Variants in STX1A observed in about 807,000 individuals in gnomAD.
STX1A encodes the protein syntaxin 1A, also known as syntaxin-1A.
STX1A carries 4 observed loss-of-function variants against 37.8 expected under a neutral mutation model. The ratio of observed to expected loss-of-function variants is 0.11; its 90% CI spans 0.05 to 0.24. STX1A has a LOEUF of 0.24. STX1A is among the 10% of genes least tolerant of loss of function. STX1A has a pLI of 1.00. For missense variants in STX1A, 251 were observed against 399.9 expected (o/e 0.63, Z 3.18); for synonymous variants, 135 against 147.4 (o/e 0.92, Z 0.61).
chr7:73,712,142 G>A lies in STX1A; in HGVS notation c.31-3020C>T, dbSNP rs76331376. On this transcript the variant is annotated intron_variant, in intron 1 of 9. Coordinates refer to ENST00000222812, the MANE Select transcript of STX1A (RefSeq NM_004603.4). ...ATTGAGATTGGCCCCAAAGCCAGTC[G>A]GGGGGCTGAGGGCCTGACCTCTGAG... Among the ~76,000 whole-genome samples the A allele has an allele frequency of 6.6e-3, 1,003 of 152,130 alleles. 3 individuals are homozygous for A. The highest frequency in any genetic ancestry group is 8.7e-3 in the Non-Finnish European group (589 of 67,982).
chr7:73,704,430 G>A lies in STX1A; in HGVS notation c.284-7C>T. ...TCGATGGACTGCTCGATGCCTGGGG[G>A]CACAGGTGGCTGCTAAGTCATAACC... On this transcript the variant is annotated splice_region_variant and splice_polypyrimidine_tract_variant and intron_variant, in intron 4 of 9. Coordinates refer to ENST00000222812, the MANE Select transcript of STX1A (RefSeq NM_004603.4). 1 of 1,614,104 alleles carries A rather than the reference G, an allele frequency of 6.2e-7. No individual in the cohort carries two copies. The highest frequency in any genetic ancestry group is 8.5e-7 in the Non-Finnish European group (1 of 1,180,008).
In STX1A at chr7:73,700,959, G is replaced by A. The variant is rs1209523598; in HGVS notation, c.679-119C>T. ...AGAGACAAAAAGGGGGCGTGAGGAG[G>A]TTAGGGTACAGCTTCTCACCTGGGC... On this transcript the variant is annotated intron_variant, in intron 8 of 9. Coordinates refer to ENST00000222812, the MANE Select transcript of STX1A (RefSeq NM_004603.4). This position sits in a 1 kb window ranked among gnomAD's most constrained non-coding sequence, Gnocchi z 4.4. 9 of 1,532,194 alleles carry A rather than the reference G, an allele frequency of 5.9e-6. No individual in the cohort carries two copies. Among genetic ancestry groups the A allele is most frequent in the Non-Finnish European group, 7.9e-6 (9 of 1,143,248 alleles). 94.9% of individuals were successfully genotyped at this position (1,532,194 alleles called of 1,614,324 possible).
rs1408012254 is a variant in STX1A at position 73,709,223 on chromosome 7, CTCCCTG to C, written c.31-107_31-102del. On this transcript the variant is annotated intron_variant, in intron 1 of 9. Transcript: ENST00000222812. This position sits in a 1 kb window ranked among gnomAD's most constrained non-coding sequence, Gnocchi z 4.2. ...GCGCCAGGGCCCTGCCCCTCCCCCT[CTCCCTG>C]GGGGCCTCTGGGCAGGGACAAGAAC... 16 of 1,179,746 alleles carry C rather than the reference CTCCCTG, an allele frequency of 1.4e-5. No individual in the cohort carries two copies. Among genetic ancestry groups the C allele is most frequent in the Non-Finnish European group, 1.9e-5 (15 of 810,296 alleles). 73.1% of individuals were successfully genotyped at this position (1,179,746 alleles called of 1,614,324 possible).
rs782203664 is a variant in STX1A at position 73,705,268 on chromosome 7, G to C, written c.209-44C>G. ...TGGGGGTAGGCCTCCTAGGCTCCGCGGGGACTGATGTGCAGGCTCAGCCTC... is the reference window on the plus strand; with the variant it reads ...TGGGGGTAGGCCTCCTAGGCTCCGCCGGGACTGATGTGCAGGCTCAGCCTC... On this transcript the variant is annotated intron_variant, in intron 3 of 9. Coordinates refer to ENST00000222812, the MANE Select transcript of STX1A (RefSeq NM_004603.4). This position sits in a 1 kb window ranked among gnomAD's most constrained non-coding sequence, Gnocchi z 5.2. 6.6e-7 allele frequency: 1 copy of C among 1,525,270 alleles called. No individual in the cohort carries two copies. Among genetic ancestry groups the C allele is most frequent in the Non-Finnish European group, 9.1e-7 (1 of 1,100,362 alleles). 94.5% of individuals were successfully genotyped at this position (1,525,270 alleles called of 1,614,324 possible). A position where few individuals can be genotyped will look rare whatever the true frequency, so the allele number is the denominator to read the frequency against.
intron 7 of STX1A, 62 bp from the exon 8 acceptor site, chr7:73,703,044 AG>A (rs1246755052): frequency 2.7e-5 from 6 of 223,600 alleles, no homozygotes; most frequent in Non-Finnish European, 3.8e-5. Context: ...CAGAGGGCCG[AG>A]GGGGAGGGCG....
At chr7:73,704,949 GGT>G in intron 4 of STX1A, 199 bp downstream of exon 4, 1 of 634,652 alleles carries the variant, frequency 1.6e-6, no homozygotes, top group Non-Finnish European at 2.8e-6. Flanking sequence ...GCCTTAGGTG[GGT>G]GTGTCCCTGG....
In STX1A at chr7:73,709,082, A is replaced by G. The variant is rs1798995393; in HGVS notation, c.71T>C (p.Val24Ala). 2 of 1,613,898 alleles carry G rather than the reference A, an allele frequency of 1.2e-6. No homozygotes were observed. The highest frequency in any genetic ancestry group is 1.3e-5 in the African/African-American group (1 of 74,896). Residue 24 changes from valine (V) to alanine (A), a missense_variant, in exon 2 of 10, where the codon GTG (valine) becomes GCG (alanine). Val to Ala is a moderately conservative substitution (Grantham distance 64). This residue lies in a region of STX1A where 37 missense variants were observed against 32.3 expected (regional missense o/e 1.15). Transcript: ENST00000222812. This position sits in a 1 kb window ranked among gnomAD's most constrained non-coding sequence, Gnocchi z 4.2. The stretch of plus-strand genomic sequence containing the variant: ...CTCATCCATGAAGCGGTCTCGGTCC[A>G]CGGTGACAGCGACATCATCATCATC... The part of the protein sequence containing the change: ...SDDDDDVAVT[V>A]DRDRFMDEFF...
At chr7:73,714,018 C>T (rs540886568) in intron 1 of STX1A, among the ~76,000 whole-genome samples, 14 of 152,344 alleles carry the variant, frequency 9.2e-5, no homozygotes, top group African/African-American at 2.4e-4. Flanking sequence ...ATCCTCTGAA[C>T]TGCCTAGCGC....
At chr7:73,708,336 T>G (rs1203367595) in intron 3 of STX1A, among the ~76,000 whole-genome samples, 1 of 150,812 alleles carries the variant, frequency 6.6e-6, no homozygotes, top group African/African-American at 2.4e-5. Flanking sequence ...CGATCGCCTC[T>G]CCCATCACCC....
intron 1 of STX1A, among the ~76,000 whole-genome samples, chr7:73,718,802 TC>T (rs1300020405): frequency 4.0e-5 from 6 of 150,340 alleles, no homozygotes; most frequent in African/African-American, 1.5e-4. Flanking sequence ...ATCCTCCTAC[TC>T]CCCCCAAACC....
Position 73,705,773 on chromosome 7 carries a change from G to A in STX1A, c.209-549C>T, listed in dbSNP as rs1326150716. ...CCTGGGTGCTAAGTACCTGGCGGGC[G>A]GAAGAGGGCAAGGGGTGGATGGCCT... On this transcript the variant is annotated intron_variant, in intron 3 of 9. Transcript: ENST00000222812. This position sits in a 1 kb window ranked among gnomAD's most constrained non-coding sequence, Gnocchi z 5.2. 1 of 155,904 alleles carries A rather than the reference G, an allele frequency of 6.4e-6. No individual in the cohort carries two copies. The highest frequency in any genetic ancestry group is 1.4e-5 in the Non-Finnish European group (1 of 70,528). The allele number at this position is 155,904 out of a possible 1,614,324, so 9.7% of individuals were successfully genotyped here.
At chr7:73,704,529 T>G in intron 4 of STX1A, 106 bp from the exon 5 acceptor site, 1 of 1,386,374 alleles carries the variant, frequency 7.2e-7, no homozygotes, top group Non-Finnish European at 1.0e-6. Context: ...AGGGTATGTG[T>G]GTGGCCTGTG....
intron 1 of STX1A, among the ~76,000 whole-genome samples, chr7:73,718,967 C>A (rs904061699): frequency 4.6e-5 from 7 of 152,016 alleles, no homozygotes; most frequent in Non-Finnish European, 8.8e-5. Context: ...TGACGCCCCC[C>A]CCCCCATACC....
intron 3 of STX1A, among the ~76,000 whole-genome samples, chr7:73,707,520 G>A (rs1798917063): frequency 6.6e-6 from 1 of 152,188 alleles, no homozygotes; most frequent in African/African-American, 2.4e-5. Context: ...TGGACCGAGA[G>A]GCCTTCCTAT....
chr7:73,716,466 C>T (rs1554618709), intron 1 of STX1A: 1 of 152,450 alleles, frequency 6.6e-6, no homozygotes, highest in Admixed American at 6.5e-5. Context: ...TAGTCTAGAC[C>T]TCAAGGCACT....
In STX1A at chr7:73,709,459, C is replaced by T. The variant is rs1221252638; in HGVS notation, c.31-337G>A. On this transcript the variant is annotated intron_variant, in intron 1 of 9. Coordinates refer to ENST00000222812, the MANE Select transcript of STX1A (RefSeq NM_004603.4). This position sits in a 1 kb window ranked among gnomAD's most constrained non-coding sequence, Gnocchi z 4.2. ...CCTGGGGCCGGCCGCTCTGTCTGGG[C>T]CCTCTGGGTCCCCTAGGCCCCTAGG... Among the ~76,000 whole-genome samples the T allele has an allele frequency of 6.6e-6, 1 of 152,104 alleles. No homozygotes were observed. The highest frequency in any genetic ancestry group is 1.5e-5 in the Non-Finnish European group (1 of 68,004).
At chr7:73,703,428 C>A in intron 7 of STX1A, 4 of 607,024 alleles carry the variant, frequency 6.6e-6, no homozygotes, top group Non-Finnish European at 6.2e-6. Flanking sequence ...AGGGAGCACC[C>A]CTGCCCGGCT....
chr7:73,716,609 C>T (rs1554618728), intron 1 of STX1A: 2 of 152,596 alleles, frequency 1.3e-5, no homozygotes, highest in Admixed American at 6.5e-5. Flanking sequence ...AATCCAGCTC[C>T]TGCTCCTGTG....
chr7:73,700,307 A>T lies in STX1A; in HGVS notation c.*100T>A. ...GGGGGCCGGGAGGGAGGGTGCTCTG[A>T]GCCAGAGGCGGGGGTTGGGAGGGCA... On this transcript the variant is annotated 3_prime_UTR_variant, in exon 10 of 10. Transcript: ENST00000222812. This position sits in a 1 kb window ranked among gnomAD's most constrained non-coding sequence, Gnocchi z 4.4. 8.4e-7 allele frequency: 1 copy of T among 1,192,302 alleles called. No homozygotes were observed. The highest frequency in any genetic ancestry group is 1.2e-6 in the Non-Finnish European group (1 of 810,504). The allele number at this position is 1,192,302 out of a possible 1,614,324, so 73.9% of individuals were successfully genotyped here.
Sources: gnomAD v4.1 joint callset for allele counts (sites outside exome capture counted in the v4.1 genomes callset) on GRCh38, gnomAD v4.1.1 for gene constraint, gnomAD v4.1.1 regional missense constraint, Gnocchi (gnomAD v3.1) non-coding constraint, MANE v1.5 for transcripts, NCBI Gene and HGNC (gene_info 2026-07-23, HGNC 2026-07-21) for gene names.